CEP112: variants seen among roughly 807,000 people sequenced by gnomAD.
CEP112 encodes centrosomal protein of 112 kDa.
In CEP112, 127 loss-of-function variants were observed where a neutral mutation model predicts 153.0. The ratio of observed to expected loss-of-function variants is 0.83; its 90% CI spans 0.72 to 0.96. The LOEUF is 0.96. Ranked by LOEUF, CEP112 falls within the 40% of genes least tolerant of loss-of-function variation. The pLI, the probability that CEP112 is intolerant of heterozygous loss-of-function variation, is 0.00. For synonymous variants in CEP112, 358 were observed against 374.4 expected (o/e 0.96, Z 0.51); for missense variants, 1,089 against 1,101.2 (o/e 0.99, Z 0.16).
At chr17:65,653,260 T>C (rs1022724654) in intron 24 of CEP112, among the ~76,000 whole-genome samples, 2 of 152,368 alleles carry the variant, frequency 1.3e-5, no homozygotes, top group South Asian at 2.1e-4. Context: ...TGCTTTATTG[T>C]AAATGACTTA....
chr17:65,737,179 TA>T (rs1349332834), intron 23 of CEP112, among the ~76,000 whole-genome samples: 1 of 151,580 alleles, frequency 6.6e-6, no homozygotes, highest in African/African-American at 2.4e-5. Context: ...TAAAGAAGAG[TA>T]AAAGCTAGCA....
At chr17:65,730,441 T>C (rs1442134272) in intron 23 of CEP112, among the ~76,000 whole-genome samples, 3 of 152,210 alleles carry the variant, frequency 2.0e-5, no homozygotes, top group Non-Finnish European at 2.9e-5. Context: ...TCTGTCTTTC[T>C]TTCTGAGTGA....
Position 65,726,654 on chromosome 17 carries a change from T to C in CEP112, c.2607+16414A>G, listed in dbSNP as rs1053032339. Among the ~76,000 whole-genome samples, 22 of 152,284 alleles carry C rather than the reference T, an allele frequency of 1.4e-4. No individual in the cohort carries two copies. The South Asian group carries it at 2.9e-3, about 20-fold the overall frequency. ...GCAGAAGAGTTTGATCATGATGTTA[T>C]AAGCAACCCTCTAAATTCAATTTAG... On this transcript the variant is annotated intron_variant, in intron 23 of 26. Coordinates refer to ENST00000535342, the MANE Select transcript of CEP112 (RefSeq NM_001199165.4).
intron 6 of CEP112, among the ~76,000 whole-genome samples, chr17:66,112,769 C>A (rs767494462): frequency 3.9e-5 from 6 of 152,162 alleles, no homozygotes; most frequent in Non-Finnish European, 8.8e-5. Flanking sequence ...CATGGCAAAA[C>A]CCTGTCTCTA....
At chr17:65,689,294 CT>C (rs2047978700) in intron 23 of CEP112, 76 bp from the exon 24 acceptor site, 1 of 978,196 alleles carries the variant, frequency 1.0e-6, no homozygotes, top group Non-Finnish European at 1.6e-6. Flanking sequence ...TGAACTGGCA[CT>C]AAAAAGGCCT....
chr17:66,005,050 A>G (rs1012311418), intron 17 of CEP112, among the ~76,000 whole-genome samples: 1 of 152,190 alleles, frequency 6.6e-6, no homozygotes, highest in Non-Finnish European at 1.5e-5. Context: ...TGGCTGACAC[A>G]TGATGGGAAC....
chr17:65,887,207 T>G (rs747555545), intron 20 of CEP112, among the ~76,000 whole-genome samples: 1 of 152,140 alleles, frequency 6.6e-6, no homozygotes, highest in Non-Finnish European at 1.5e-5. Flanking sequence ...CGGGTTCACA[T>G]CCTAGCCCTT....
chr17:65,987,863 A>C (rs778476966), intron 17 of CEP112, among the ~76,000 whole-genome samples: 1 of 152,290 alleles, frequency 6.6e-6, no homozygotes, highest in African/African-American at 2.4e-5. Flanking sequence ...AAGGTGGACA[A>C]CCAGCTTCTC....
At chr17:65,978,363 T>C (rs2063111530) in intron 17 of CEP112, among the ~76,000 whole-genome samples, 1 of 152,168 alleles carries the variant, frequency 6.6e-6, no homozygotes, top group Non-Finnish European at 1.5e-5. Context: ...GACATAAAGG[T>C]AAACATTGGC....
chr17:65,654,056 C>CAAAAAAAAAAAAAAAAAAAAAAAAAAAAA (rs773433478), intron 24 of CEP112, among the ~76,000 whole-genome samples: 13 of 26,878 alleles, frequency 4.8e-4, no homozygotes, highest in Non-Finnish European at 6.6e-4. Context: ...AAGACTCCAT[C>CAAAAAAAAAAAAAAAAAAAAAAAAAAAAA]AAAAAAAAAA....
intron 21 of CEP112, among the ~76,000 whole-genome samples, chr17:65,776,589 G>T (rs930896923): frequency 6.6e-6 from 1 of 152,202 alleles, no homozygotes; most frequent in African/African-American, 2.4e-5. Flanking sequence ...ACTGACAGGA[G>T]ATAGCATGAC....
At chr17:65,947,905 A>C (rs2061697776) in intron 18 of CEP112, among the ~76,000 whole-genome samples, 1 of 152,186 alleles carries the variant, frequency 6.6e-6, no homozygotes, top group Non-Finnish European at 1.5e-5. Context: ...AGGCTGATTT[A>C]AAATTACATG....
intron 21 of CEP112, among the ~76,000 whole-genome samples, chr17:65,782,612 G>A (rs2054060118): frequency 6.6e-6 from 1 of 152,170 alleles, no homozygotes; most frequent in Non-Finnish European, 1.5e-5. Flanking sequence ...ATGGTGTATT[G>A]CATAAAGAAA....
intron 21 of CEP112, among the ~76,000 whole-genome samples, chr17:65,754,145 G>T (rs949365482): frequency 6.6e-6 from 1 of 152,144 alleles, no homozygotes; most frequent in African/African-American, 2.4e-5. Context: ...AAAGTTAGGG[G>T]GTACTTTATA....
At chr17:65,864,228 C>T (rs557947660) in intron 20 of CEP112, among the ~76,000 whole-genome samples, 1 of 152,090 alleles carries the variant, frequency 6.6e-6, no homozygotes, top group South Asian at 2.1e-4. Flanking sequence ...GGCAGTTTGC[C>T]ACTCCATGTG....
intron 21 of CEP112, among the ~76,000 whole-genome samples, chr17:65,777,631 TCTC>T (rs925406579): frequency 2.0e-5 from 3 of 152,092 alleles, no homozygotes; most frequent in African/African-American, 7.2e-5. Flanking sequence ...TGGTTGAAGT[TCTC>T]CTCCCCTTCA....
chr17:66,161,997 T>C (rs185374618), intron 4 of CEP112, among the ~76,000 whole-genome samples: 26 of 152,184 alleles, frequency 1.7e-4, no homozygotes, highest in Admixed American at 9.2e-4. Flanking sequence ...AGGTATTCTC[T>C]TACGGCAGCA....
intron 23 of CEP112, among the ~76,000 whole-genome samples, chr17:65,702,405 T>C (rs763710265): frequency 6.6e-6 from 1 of 152,190 alleles, no homozygotes; most frequent in Non-Finnish European, 1.5e-5. Flanking sequence ...CTGTGCTCAA[T>C]ATACAGGAAT....
intron 6 of CEP112, among the ~76,000 whole-genome samples, chr17:66,128,364 T>C (rs996195036): frequency 7.1e-6 from 1 of 141,502 alleles, no homozygotes. Context: ...ACCTAAAAGA[T>C]AATCAAGACC....
Sources: gnomAD v4.1 joint callset for allele counts (sites outside exome capture counted in the v4.1 genomes callset) on GRCh38, gnomAD v4.1.1 for gene constraint, MANE v1.5 for transcripts, NCBI Gene and HGNC (gene_info 2026-07-23, HGNC 2026-07-21) for gene names.